Variants in RPS6KA1 observed in about 807,000 individuals in gnomAD.
The protein encoded by RPS6KA1 is ribosomal protein S6 kinase alpha-1.
A neutral mutation model predicts 91.3 loss-of-function variants in RPS6KA1; 48 were observed. The observed-to-expected ratio is 0.53, with a 90% CI of 0.42 to 0.67. The LOEUF (loss-of-function observed/expected upper bound fraction) is 0.67, where lower values mean the gene tolerates loss of function less well. Ranked by LOEUF, RPS6KA1 falls within the 30% of genes least tolerant of loss-of-function variation. The probability of loss-of-function intolerance (pLI) is 0.00; values close to 1 mark genes in which losing one functional copy is unlikely to be tolerated. For synonymous variants in RPS6KA1, 359 were observed against 384.7 expected (o/e 0.93, Z 0.78); for missense variants, 719 against 960.5 (o/e 0.75, Z 3.32).
Position 26,558,795 on chromosome 1 carries a change from C to T in RPS6KA1, c.1085-12C>T, listed in dbSNP as rs753045625. On this transcript the variant is annotated splice_polypyrimidine_tract_variant and intron_variant, in intron 13 of 21. Coordinates refer to ENST00000374168, the MANE Select transcript of RPS6KA1 (RefSeq NM_002953.4). The surrounding 1 kb of genome is among the most constrained non-coding windows in gnomAD (Gnocchi z 4.0). ...CCTCAGGTACCCTCACATTCTCCTT[C>T]CATCCGTACAGATTCCCCAGGCATC... 3.1e-6 allele frequency: 5 copies of T among 1,593,744 alleles called. No homozygotes were observed.
rs370422182 is a variant in RPS6KA1 at position 26,538,032 on chromosome 1, A to G, written c.108+1063A>G. Among the ~76,000 whole-genome samples the G allele has an allele frequency of 9.9e-5, 15 of 152,136 alleles. No individual in the cohort carries two copies. The East Asian group carries it at 1.3e-3, about 14-fold the overall frequency. On this transcript the variant is annotated intron_variant, in intron 2 of 21. Transcript: ENST00000374168. ...ACCTGCCATAAGCTTGACCTTTGAG[A>G]TGGATGCAGGATTAGTCCTGATGTT... is the stretch of plus-strand genomic sequence containing the variant.
intron 17 of RPS6KA1, among the ~76,000 whole-genome samples, chr1:26,568,337 T>TA (rs2076221684): frequency 6.6e-6 from 1 of 152,208 alleles, no homozygotes; most frequent in Admixed American, 6.5e-5. Context: ...TGGGGCTTTT[T>TA]AAAGCTGTAC....
Position 26,574,112 on chromosome 1 carries a change from A to C in RPS6KA1, c.2119A>C (p.Ser707Arg), listed in dbSNP as rs763455950. ...AMAATYSALN[S>R]SKPTPQLKPI... ...GGCTGCCACGTACTCCGCACTCAAC[A>C]GCTCCAAGCCCACCCCCCAGCTGAA... is the stretch of plus-strand genomic sequence containing the variant. The change falls in exon 22 of 22, where the codon AGC (serine) becomes CGC (arginine). Residue 707 changes from serine (S) to arginine (R), a missense_variant. Ser to Arg is a moderately radical substitution (Grantham distance 110). Around this residue, in one of 5 missense-constraint regions of RPS6KA1, gnomAD observed 249 missense variants for 323.1 expected, o/e 0.77. Coordinates refer to ENST00000374168, the MANE Select transcript of RPS6KA1 (RefSeq NM_002953.4). This position sits in a 1 kb window ranked among gnomAD's most constrained non-coding sequence, Gnocchi z 4.3. 6 of 1,614,078 alleles carry C rather than the reference A, an allele frequency of 3.7e-6. No homozygotes were observed. The South Asian group carries it at 6.6e-5, about 18-fold the overall frequency.
At chr1:26,545,284 C>T (rs1207190870) in intron 2 of RPS6KA1, among the ~76,000 whole-genome samples, 1 of 151,716 alleles carries the variant, frequency 6.6e-6, no homozygotes, top group Non-Finnish European at 1.5e-5. Flanking sequence ...ATTCTCCTGC[C>T]TCAGCTCCCG....
chr1:26,534,363 T>C (rs190556141), intron 1 of RPS6KA1, among the ~76,000 whole-genome samples: 27 of 152,218 alleles, frequency 1.8e-4, no homozygotes, highest in Middle Eastern at 6.8e-3. Context: ...CGAGTTAACC[T>C]GCAGCATGCT....
chr1:26,568,136 G>A (rs188804365), intron 17 of RPS6KA1, among the ~76,000 whole-genome samples: 1 of 152,350 alleles, frequency 6.6e-6, no homozygotes, highest in East Asian at 1.9e-4. Context: ...CTGGGTCCGA[G>A]TTGCTATGTA....
Position 26,547,218 on chromosome 1 carries a change from T to C in RPS6KA1, c.255T>C (p.Pro85=). The change falls in exon 4 of 22, where the codon CCT becomes CCC. Residue 85 remains proline (P), a synonymous_variant. Transcript: ENST00000374168. This position sits in a 1 kb window ranked among gnomAD's most constrained non-coding sequence, Gnocchi z 4.1. ...TCCTGGTGCGGAAAGTCACCCGGCC[T>C]GACAGTGGGCACCTGTATGCTATGA... ...KVFLVRKVTR[P]DSGHLYAMKV... The C allele has an allele frequency of 6.2e-7, 1 of 1,614,030 alleles. No homozygotes were observed. The highest frequency in any genetic ancestry group is 1.1e-5 in the South Asian group (1 of 91,070).
intron 2 of RPS6KA1, chr1:26,545,908 AG>A (rs1446067169): frequency 6.3e-7 from 1 of 1,576,968 alleles, no homozygotes; most frequent in Admixed American, 1.8e-5. Context: ...CGGATGGAGC[AG>A]GATCCCAAGC....
chr1:26,571,496 G>C lies in RPS6KA1; in HGVS notation c.1638G>C (p.Glu546Asp). 6.2e-7 allele frequency: 1 copy of C among 1,614,214 alleles called. No homozygotes were observed. The highest frequency in any genetic ancestry group is 8.5e-7 in the Non-Finnish European group (1 of 1,180,038). ...LKPSNILYVDESGNPECLRIC... is the reference protein window; with the variant it reads ...LKPSNILYVDDSGNPECLRIC... ...CCAGCAACATCCTGTATGTGGACGAGTCCGGGAATCCCGAGTGCCTGCGCA... is the reference window on the plus strand; with the variant it reads ...CCAGCAACATCCTGTATGTGGACGACTCCGGGAATCCCGAGTGCCTGCGCA... Residue 546 changes from glutamate to aspartate, a missense_variant, in exon 18 of 22, where the codon GAG (glutamate) becomes GAC (aspartate). Glu to Asp is a conservative substitution (Grantham distance 45). This residue lies in a region of RPS6KA1 where 249 missense variants were observed against 323.1 expected (regional missense o/e 0.77). Coordinates refer to ENST00000374168, the MANE Select transcript of RPS6KA1 (RefSeq NM_002953.4). The surrounding 1 kb of genome is among the most constrained non-coding windows in gnomAD (Gnocchi z 5.1).
Position 26,574,309 on chromosome 1 carries a change from G to C in RPS6KA1, c.*108G>C. 1 of 1,446,366 alleles carries C rather than the reference G, an allele frequency of 6.9e-7. No individual in the cohort carries two copies. Among genetic ancestry groups the C allele is most frequent in the East Asian group, 2.3e-5 (1 of 43,974 alleles). The allele number at this position is 1,446,366 out of a possible 1,614,324, so 89.6% of individuals were successfully genotyped here. A position where few individuals can be genotyped will look rare whatever the true frequency, so the allele number is the denominator to read the frequency against. ...GGGCCAGAGGGAGCTGGAACCCGAG[G>C]GGCCGGGGAAGCTGCCAGCCCAGAA... On this transcript the variant is annotated 3_prime_UTR_variant, in exon 22 of 22. Coordinates refer to ENST00000374168, the MANE Select transcript of RPS6KA1 (RefSeq NM_002953.4). This position sits in a 1 kb window ranked among gnomAD's most constrained non-coding sequence, Gnocchi z 4.3.
In RPS6KA1 at chr1:26,560,694, A is replaced by G; in HGVS notation, c.1216-32A>G. On this transcript the variant is annotated intron_variant, in intron 14 of 21. Transcript: ENST00000374168. ...GGATGACCCCTAGCACTCTAGAGCC[A>G]GGGGTCAGCCACAATTTTTGGTCTC... 1.9e-6 allele frequency: 3 copies of G among 1,613,924 alleles called. No homozygotes were observed. In the East Asian group the frequency reaches 6.7e-5, roughly 36 times the overall value.
At chr1:26,559,230 G>A (rs2076132965) in intron 14 of RPS6KA1, among the ~76,000 whole-genome samples, 1 of 152,180 alleles carries the variant, frequency 6.6e-6, no homozygotes, top group Admixed American at 6.5e-5. Flanking sequence ...TGTAGCGAAG[G>A]ACTTGGATCT....
chr1:26,574,310 G>A lies in RPS6KA1; in HGVS notation c.*109G>A, dbSNP rs1198928897. 9 of 1,425,190 alleles carry A rather than the reference G, an allele frequency of 6.3e-6. No homozygotes were observed. The highest frequency in any genetic ancestry group is 8.9e-6 in the Non-Finnish European group (9 of 1,009,970). The allele number at this position is 1,425,190 out of a possible 1,614,324, so 88.3% of individuals were successfully genotyped here. ...GGCCAGAGGGAGCTGGAACCCGAGG[G>A]GCCGGGGAAGCTGCCAGCCCAGAAC... On this transcript the variant is annotated 3_prime_UTR_variant, in exon 22 of 22. Coordinates refer to ENST00000374168, the MANE Select transcript of RPS6KA1 (RefSeq NM_002953.4). This position sits in a 1 kb window ranked among gnomAD's most constrained non-coding sequence, Gnocchi z 4.3.
Position 26,571,663 on chromosome 1 carries a change from G to C in RPS6KA1, c.1752+53G>C. 6.3e-7 allele frequency: 1 copy of C among 1,590,644 alleles called. No homozygotes were observed. On this transcript the variant is annotated intron_variant, in intron 18 of 21. Coordinates refer to ENST00000374168, the MANE Select transcript of RPS6KA1 (RefSeq NM_002953.4). This position sits in a 1 kb window ranked among gnomAD's most constrained non-coding sequence, Gnocchi z 5.1. Reference sequence around the variant, plus strand: ...AGAGTGAGGGGGAATTGGAGGCCTTGTGCCCCCTCCCAGAGGCCCCACATT... The same window carrying C: ...AGAGTGAGGGGGAATTGGAGGCCTTCTGCCCCCTCCCAGAGGCCCCACATT...
At position 26,529,920 on chromosome 1, in the gene RPS6KA1, G is replaced by A; in HGVS notation, c.-1G>A. On this transcript the variant is annotated 5_prime_UTR_variant, in exon 1 of 22. Transcript: ENST00000374168. The surrounding 1 kb of genome is among the most constrained non-coding windows in gnomAD (Gnocchi z 4.2). ...AGCGCGGGTGACCTGGCGGCGGCGA[G>A]ATGCCGCTCGCCCAGCTCAAGGAGC... 7.0e-7 allele frequency: 1 copy of A among 1,428,414 alleles called. No homozygotes were observed. Among genetic ancestry groups the A allele is most frequent in the Non-Finnish European group, 9.2e-7 (1 of 1,091,074 alleles). The allele number at this position is 1,428,414 out of a possible 1,614,324, so 88.5% of individuals were successfully genotyped here. A position where few individuals can be genotyped will look rare whatever the true frequency, so the allele number is the denominator to read the frequency against.
intron 13 of RPS6KA1, among the ~76,000 whole-genome samples, 153 bp downstream of exon 13, chr1:26,557,253 C>T (rs1047779731): frequency 1.3e-5 from 2 of 152,080 alleles, no homozygotes; most frequent in Non-Finnish European, 2.9e-5. Context: ...GTGGGACTGA[C>T]TTTGTCCCTG....
intron 2 of RPS6KA1, chr1:26,543,207 C>T (rs1039276243): frequency 3.3e-6 from 5 of 1,535,250 alleles, no homozygotes; most frequent in Non-Finnish European, 3.5e-6. Flanking sequence ...AGACTTGGTT[C>T]CCTGTCCCAG....
chr1:26,572,720 G>A (rs879405941), intron 20 of RPS6KA1, among the ~76,000 whole-genome samples: 4 of 152,206 alleles, frequency 2.6e-5, no homozygotes, highest in Admixed American at 2.0e-4. Context: ...GAAGTAGCAT[G>A]TGAGCTTTCA....
intron 6 of RPS6KA1, 57 bp from the exon 7 acceptor site, chr1:26,553,334 G>A: frequency 8.0e-7 from 1 of 1,251,456 alleles, no homozygotes; most frequent in Non-Finnish European, 1.2e-6. Context: ...ACTGCCCAGT[G>A]CCCCAGCTCT....
Sources: gnomAD v4.1 joint callset for allele counts (sites outside exome capture counted in the v4.1 genomes callset) on GRCh38, gnomAD v4.1.1 for gene constraint, gnomAD v4.1.1 regional missense constraint, Gnocchi (gnomAD v3.1) non-coding constraint, MANE v1.5 for transcripts, NCBI Gene and HGNC (gene_info 2026-07-23, HGNC 2026-07-21) for gene names.